Variants in SCIMP observed in about 807,000 individuals in gnomAD.
SCIMP encodes the protein SLP adaptor and CSK interacting membrane protein.
Under a neutral mutation model 22.0 loss-of-function variants are expected in SCIMP, and 18 were observed. That is an observed-to-expected ratio of 0.82 (90% confidence interval 0.56 to 1.21). The LOEUF is 1.21. SCIMP is among the 50% of genes most tolerant of loss of function. The pLI is 0.00. For synonymous variants in SCIMP, 53 were observed against 62.2 expected (o/e 0.85, Z 0.70); for missense variants, 155 against 171.2 (o/e 0.91, Z 0.53).
intron 1 of SCIMP, among the ~76,000 whole-genome samples, chr17:5,230,036 T>A (rs2074682245): frequency 1.3e-5 from 2 of 151,708 alleles, no homozygotes; most frequent in South Asian, 4.2e-4. Flanking sequence ...AAATGTTGCC[T>A]AGGCTGGTTT....
chr17:5,233,354 T>A (rs1235368616), intron 1 of SCIMP, among the ~76,000 whole-genome samples: 7 of 140,896 alleles, frequency 5.0e-5, no homozygotes, highest in Non-Finnish European at 1.1e-4. Flanking sequence ...TGTCCCTTCC[T>A]TGCTTTAAGC....
intron 4 of SCIMP, 87 bp downstream of exon 4, chr17:5,214,838 T>TAAAAAAAAAAAAAAAA (rs34085108): frequency 2.4e-6 from 1 of 408,378 alleles, no homozygotes; most frequent in Non-Finnish European, 4.4e-6. Flanking sequence ...AGACTCCATC[T>TAAAAAAAAAAAAAAAA]AAAAAAAAAA....
chr17:5,223,282 C>G (rs140910174), intron 2 of SCIMP, 51 bp downstream of exon 2: 4 of 1,606,930 alleles, frequency 2.5e-6, no homozygotes, highest in Admixed American at 1.7e-5. Flanking sequence ...TCTACTGCAC[C>G]GATAACCACC....
intron 4 of SCIMP, among the ~76,000 whole-genome samples, chr17:5,212,768 C>G (rs1380548693): frequency 6.6e-6 from 1 of 152,232 alleles, no homozygotes; most frequent in African/African-American, 2.4e-5. Flanking sequence ...TATTATTTAT[C>G]TATCCAATCA....
At chr17:5,213,259 CTTTTTT>C in intron 4 of SCIMP, 1 of 884,260 alleles carries the variant, frequency 1.1e-6, no homozygotes, top group Non-Finnish European at 1.3e-6. Flanking sequence ...TTTTCCATCC[CTTTTTT>C]TTTTTTTTTT....
chr17:5,217,597 G>A (rs187939576), intron 3 of SCIMP, among the ~76,000 whole-genome samples: 6,385 of 125,466 alleles, frequency 0.051, 195 homozygotes, highest in Admixed American at 0.11. Context: ...GGTGTGTGAT[G>A]TTCCCCTTCC....
intron 1 of SCIMP, among the ~76,000 whole-genome samples, chr17:5,232,411 C>CAGTGTAAACAGTGCAGTGT (rs1341295689): frequency 5.5e-5 from 4 of 73,262 alleles, no homozygotes; most frequent in Middle Eastern, 6.3e-3. Flanking sequence ...ATAAACAGTG[C>CAGTGTAAACAGTGCAGTGT]AAACAGTGCA....
intron 1 of SCIMP, 137 bp from the exon 2 acceptor site, chr17:5,223,593 A>G (rs1193757923): frequency 2.5e-6 from 2 of 792,086 alleles, no homozygotes; most frequent in East Asian, 5.3e-5. Flanking sequence ...CCCAGGCTGG[A>G]GTGCAATGAC....
chr17:5,213,197 C>A (rs535071308), intron 4 of SCIMP: 2 of 984,932 alleles, frequency 2.0e-6, no homozygotes, highest in African/African-American at 3.5e-5. Flanking sequence ...TGAATTTACA[C>A]CCTTATATCA....
intron 4 of SCIMP, among the ~76,000 whole-genome samples, chr17:5,212,583 G>A (rs2074533655): frequency 6.6e-6 from 1 of 151,930 alleles, no homozygotes; most frequent in South Asian, 2.1e-4. Flanking sequence ...GCAGTGAGCC[G>A]AGATTGCGCC....
rs1054954885 is a variant in SCIMP at position 5,209,476 on chromosome 17, C to T, written c.*1325G>A. 3 of 152,200 alleles carry T rather than the reference C, an allele frequency of 2.0e-5. No individual in the cohort carries two copies. Among genetic ancestry groups the T allele is most frequent in the African/African-American group, 7.2e-5 (3 of 41,432 alleles). 9.4% of individuals were successfully genotyped at this position (152,200 alleles called of 1,614,324 possible). ...GGAGGAAGCCCAGGTCCCCAGTGCT[C>T]CAGCGTTGATTGAGGGAGAAAGCTT... On this transcript the variant is annotated 3_prime_UTR_variant, in exon 5 of 5. Coordinates refer to ENST00000574081, the MANE Select transcript of SCIMP (RefSeq NM_207103.3).
At chr17:5,224,274 A>G (rs2074630772) in intron 1 of SCIMP, among the ~76,000 whole-genome samples, 1 of 151,574 alleles carries the variant, frequency 6.6e-6, no homozygotes, top group Admixed American at 6.6e-5. Context: ...AGCTGGGACT[A>G]CAGGCGCCCA....
At chr17:5,223,275 A>G (rs1158482430) in intron 2 of SCIMP, 58 bp downstream of exon 2, 7 of 1,598,326 alleles carry the variant, frequency 4.4e-6, no homozygotes, top group East Asian at 2.2e-5. Context: ...AAGGAGCTCT[A>G]CTGCACCGAT....
At chr17:5,212,413 T>A (rs187345004) in intron 4 of SCIMP, among the ~76,000 whole-genome samples, 1 of 152,056 alleles carries the variant, frequency 6.6e-6, no homozygotes, top group East Asian at 2.0e-4. Context: ...GGTGGGTGGA[T>A]CACGAGGTCA....
chr17:5,230,562 G>T (rs535250505), intron 1 of SCIMP, among the ~76,000 whole-genome samples: 19 of 152,288 alleles, frequency 1.2e-4, no homozygotes, highest in African/African-American at 4.6e-4. Flanking sequence ...CCGAGGGCTA[G>T]ATTAGGCCTG....
intron 1 of SCIMP, chr17:5,234,452 A>G: frequency 2.0e-6 from 1 of 493,876 alleles, no homozygotes; most frequent in Non-Finnish European, 3.7e-6. Context: ...TCTCATTTCA[A>G]TCCAAGAGGT....
chr17:5,232,774 A>G (rs1456304421), intron 1 of SCIMP, among the ~76,000 whole-genome samples: 2 of 151,220 alleles, frequency 1.3e-5, no homozygotes, highest in African/African-American at 4.9e-5. Context: ...CCACTGGTGC[A>G]ATCTCAGCTC....
At chr17:5,230,108 T>C (rs1440815314) in intron 1 of SCIMP, among the ~76,000 whole-genome samples, 1 of 152,120 alleles carries the variant, frequency 6.6e-6, no homozygotes, top group Non-Finnish European at 1.5e-5. Flanking sequence ...ATTACAGGCA[T>C]GAGCCACTGC....
At chr17:5,224,700 C>T (rs1440932268) in intron 1 of SCIMP, among the ~76,000 whole-genome samples, 1 of 152,112 alleles carries the variant, frequency 6.6e-6, no homozygotes, top group Non-Finnish European at 1.5e-5. Flanking sequence ...TGTGATCTAC[C>T]TGCCTCGGCC....
Sources: allele counts gnomAD v4.1 joint callset (sites outside exome capture counted in the v4.1 genomes callset), GRCh38; gene constraint gnomAD v4.1.1; transcripts MANE v1.5; gene names NCBI Gene and HGNC (gene_info 2026-07-23, HGNC 2026-07-21).